The following COL12A1 variants were observed in gnomAD, a reference collection of about 807,000 sequenced individuals.
COL12A1 encodes the protein collagen type XII alpha 1 chain, also known as collagen alpha-1(XII) chain.
COL12A1 carries 114 observed loss-of-function variants against 349.7 expected under a neutral mutation model. That is an observed-to-expected ratio of 0.33 (90% CI 0.28 to 0.38). The LOEUF is 0.38. COL12A1 is among the 10% of genes least tolerant of loss of function. The pLI is 1.00. For missense variants in COL12A1, 3,284 were observed against 3,756.9 expected (o/e 0.87, Z 3.29); for synonymous variants, 1,369 against 1,329.0 (o/e 1.03, Z -0.66).
chr6:75,179,356 A>C (rs1769140832), intron 11 of COL12A1, among the ~76,000 whole-genome samples: 1 of 152,014 alleles, frequency 6.6e-6, no homozygotes, highest in African/African-American at 2.4e-5. Context: ...CCCCTCCCAA[A>C]ATGCTGAAAA....
chr6:75,170,627 A>G (rs190805706), intron 13 of COL12A1, among the ~76,000 whole-genome samples: 1 of 152,318 alleles, frequency 6.6e-6, no homozygotes, highest in Non-Finnish European at 1.5e-5. Flanking sequence ...TTTTTATCTG[A>G]CAAGCAATTA....
rs762028336 is a variant in COL12A1 at position 75,085,216 on chromosome 6, C to A, written c.*1331G>T. ...CACTGCCCGGGTCCGTGGGGCAGGG[C>A]GCGCCGCCAGCGCCGGTGGGGCTCA... On this transcript the variant is annotated 3_prime_UTR_variant, in exon 66 of 66. Transcript: ENST00000322507. The A allele has an allele frequency of 2.1e-6, 1 of 468,460 alleles. No homozygotes were observed. The highest frequency in any genetic ancestry group is 4.4e-6 in the Non-Finnish European group (1 of 226,454). 29.0% of individuals were successfully genotyped at this position (468,460 alleles called of 1,614,324 possible).
chr6:75,135,952 T>C (rs1766585559), intron 31 of COL12A1, among the ~76,000 whole-genome samples: 1 of 152,170 alleles, frequency 6.6e-6, no homozygotes, highest in Admixed American at 6.5e-5. Flanking sequence ...AAAATAATTC[T>C]AGCATCAGTT....
Position 75,175,212 on chromosome 6 carries a change from C to T in COL12A1, c.2536G>A (p.Val846Ile), listed in dbSNP as rs368113790. 3.0e-5 allele frequency: 49 copies of T among 1,614,158 alleles called. No individual in the cohort carries two copies. The highest frequency in any genetic ancestry group is 1.3e-4 in the African/African-American group (10 of 75,032). The change falls in exon 13 of 66, where the codon GTC becomes ATC. Residue 846 changes from valine (V) to isoleucine (I), a missense_variant. By Grantham distance (29) the Val-to-Ile change is conservative (BLOSUM62 3). Transcript: ENST00000322507. ...GAPGKVKQYLVTYTPVAGGET... is the reference protein window; with the variant it reads ...GAPGKVKQYLITYTPVAGGET... The stretch of plus-strand genomic sequence containing the variant: ...CCCCCTGCCACTGGGGTATATGTGA[C>T]GAGATACTGTTTCACTTTTCCTGGT...
intron 58 of COL12A1, among the ~76,000 whole-genome samples, chr6:75,101,020 T>C (rs1768280107): frequency 2.0e-5 from 3 of 152,176 alleles, no homozygotes; most frequent in Admixed American, 2.0e-4. Context: ...ATGCTTCTTA[T>C]TAACTTATCC....
intron 58 of COL12A1, among the ~76,000 whole-genome samples, chr6:75,097,836 T>A (rs149566400): frequency 6.6e-6 from 1 of 152,186 alleles, no homozygotes; most frequent in South Asian, 2.1e-4. Context: ...AGAAATTCAT[T>A]TTTCCCTTTG....
Position 75,138,890 on chromosome 6 carries a change from G to C in COL12A1, c.5029C>G (p.His1677Asp). ...TSEGFRGTWD[H>D]GASDVSLYRI... ...TAGAGAGACACATCTGAAGCTCCAT[G>C]ATCCCAAGTCCCTCTGAAACCCTCT... Residue 1677 changes from histidine to aspartate, a missense_variant, in exon 28 of 66, where the codon CAT (histidine) becomes GAT (aspartate). Transcript: ENST00000322507. 1 of 1,614,086 alleles carries C rather than the reference G, an allele frequency of 6.2e-7. No homozygotes were observed. The highest frequency in any genetic ancestry group is 8.5e-7 in the Non-Finnish European group (1 of 1,179,954).
chr6:75,192,520 G>T (rs542052589), intron 3 of COL12A1, among the ~76,000 whole-genome samples, 165 bp from the exon 4 acceptor site: 1 of 151,980 alleles, frequency 6.6e-6, no homozygotes, highest in Non-Finnish European at 1.5e-5. Context: ...CTAAAATTTT[G>T]AATTTTAGAA....
chr6:75,135,734 C>T (rs1423994276), intron 31 of COL12A1, among the ~76,000 whole-genome samples: 1 of 152,142 alleles, frequency 6.6e-6, no homozygotes, highest in Non-Finnish European at 1.5e-5. Flanking sequence ...CAGTGAATCA[C>T]GGTCATCATC....
In COL12A1 at chr6:75,098,693, C is replaced by T. The variant is rs545213757; in HGVS notation, c.8524-1387G>A. On this transcript the variant is annotated intron_variant, in intron 58 of 65. Coordinates refer to ENST00000322507, the MANE Select transcript of COL12A1 (RefSeq NM_004370.6). ...CAGAGGTAAAGCTGTCTTAACTGCC[C>T]TCCACTCAAAAGAGAGGAAATCCTC... Among the ~76,000 whole-genome samples, 3 of 152,238 alleles carry T rather than the reference C, an allele frequency of 2.0e-5. No individual in the cohort carries two copies. The East Asian group carries it at 5.8e-4, about 29-fold the overall frequency.
At chr6:75,205,476 C>A (rs183164277) in intron 1 of COL12A1, among the ~76,000 whole-genome samples, 125 of 151,930 alleles carry the variant, frequency 8.2e-4, no homozygotes, top group African/African-American at 2.9e-3. Flanking sequence ...CCATTGAAAT[C>A]GACAGCATCT....
chr6:75,120,442 T>C (rs1460911790), intron 44 of COL12A1, among the ~76,000 whole-genome samples: 1 of 152,114 alleles, frequency 6.6e-6, no homozygotes. Context: ...AGAAGAAAAT[T>C]CACCAAAGAA....
At chr6:75,117,285 T>C in intron 47 of COL12A1, 97 bp downstream of exon 47, 1 of 1,226,218 alleles carries the variant, frequency 8.2e-7, no homozygotes, top group Non-Finnish European at 1.2e-6. Flanking sequence ...GATCTATTTA[T>C]GCACAGACTT....
chr6:75,189,777 C>T lies in COL12A1; in HGVS notation c.433G>A (p.Val145Met), dbSNP rs750624029. ...CTTCCCACACTCCAAGAGCCATCCA[C>T]GAGGAAAACCAAATCAGTCCAGGCA... ...VSAWTDLVFL[V>M]DGSWSVGRNN... Residue 145 changes from valine (V) to methionine (M), a missense_variant, in exon 6 of 66, where the codon GTG becomes ATG. Val to Met is a conservative substitution (Grantham distance 21). Coordinates refer to ENST00000322507, the MANE Select transcript of COL12A1 (RefSeq NM_004370.6). 19 of 1,612,978 alleles carry T rather than the reference C, an allele frequency of 1.2e-5. No individual in the cohort carries two copies. In the Middle Eastern group the frequency reaches 4.9e-4, roughly 42 times the overall value.
chr6:75,106,961 G>T (rs1255944628), intron 52 of COL12A1, among the ~76,000 whole-genome samples: 1 of 136,912 alleles, frequency 7.3e-6, no homozygotes, highest in African/African-American at 2.7e-5. Flanking sequence ...GAGTACAGTG[G>T]TGGGATCTTG....
In COL12A1 at chr6:75,146,199, G is replaced by C. The variant is rs771864984; in HGVS notation, c.4463C>G (p.Thr1488Ser). Reference protein sequence around the residue: ...VSLNIYDVGPTTMHVQWQPVG... With the variant: ...VSLNIYDVGPSTMHVQWQPVG... ...AGGCTGCCACTGCACATGCATGGTG[G>C]TAGGGCCAACATCATAAATATTCAG... Residue 1488 changes from threonine to serine, a missense_variant, in exon 24 of 66, where the codon ACC (threonine) becomes AGC (serine). Transcript: ENST00000322507. 4 of 1,612,906 alleles carry C rather than the reference G, an allele frequency of 2.5e-6. No homozygotes were observed. Among genetic ancestry groups the C allele is most frequent in the Non-Finnish European group, 3.4e-6 (4 of 1,179,544 alleles).
chr6:75,170,017 A>G (rs1337195657), intron 13 of COL12A1, among the ~76,000 whole-genome samples: 2 of 152,220 alleles, frequency 1.3e-5, no homozygotes, highest in Non-Finnish European at 2.9e-5. Context: ...CATGATCTGA[A>G]CATCCTGAAG....
At chr6:75,197,671 G>T (rs555352202) in intron 2 of COL12A1, among the ~76,000 whole-genome samples, 2 of 152,092 alleles carry the variant, frequency 1.3e-5, no homozygotes, top group Non-Finnish European at 2.9e-5. Context: ...AGCCATAGTT[G>T]CATAGGATGA....
At chr6:75,200,796 A>G (rs1163276479) in intron 2 of COL12A1, among the ~76,000 whole-genome samples, 1 of 152,180 alleles carries the variant, frequency 6.6e-6, no homozygotes, top group Admixed American at 6.5e-5. Flanking sequence ...TGTAGGTTAC[A>G]TATGTGGCTT....
Sources: gnomAD v4.1 joint callset for allele counts (sites outside exome capture counted in the v4.1 genomes callset) on GRCh38, gnomAD v4.1.1 for gene constraint, MANE v1.5 for transcripts, NCBI Gene and HGNC (gene_info 2026-07-23, HGNC 2026-07-21) for gene names.